The following CDH13 variants were observed in gnomAD, a reference collection of about 807,000 sequenced individuals.
The protein encoded by CDH13 is cadherin-13.
CDH13 carries 24 observed loss-of-function variants against 63.8 expected under a neutral mutation model. The observed-to-expected ratio is 0.38, with a 90% CI of 0.27 to 0.53. CDH13 has a LOEUF of 0.53. Ranked by LOEUF, CDH13 falls within the 20% of genes least tolerant of loss-of-function variation. CDH13 has a pLI of 0.85. For synonymous variants in CDH13, 503 were observed against 355.3 expected (o/e 1.42, Z -4.67); for missense variants, 1,049 against 903.1 (o/e 1.16, Z -2.07).
chr16:83,581,585 A>G lies in CDH13; in HGVS notation c.961-20869A>G, dbSNP rs1443332623. ...TGTAATCCCAGCACTTTGGGAGGCCAAGGCAGTGGGTTGTTTGAGTCCACG... is the reference window on the plus strand; with the variant it reads ...TGTAATCCCAGCACTTTGGGAGGCCGAGGCAGTGGGTTGTTTGAGTCCACG... On this transcript the variant is annotated intron_variant, in intron 7 of 13. Transcript: ENST00000567109. Among the ~76,000 whole-genome samples the G allele has an allele frequency of 3.3e-5, 5 of 152,180 alleles. No homozygotes were observed. In the East Asian group the frequency reaches 9.6e-4, roughly 29 times the overall value.
At chr16:83,738,588 G>C (rs1485798322) in intron 10 of CDH13, among the ~76,000 whole-genome samples, 1 of 152,156 alleles carries the variant, frequency 6.6e-6, no homozygotes, top group East Asian at 1.9e-4. Context: ...CTTCCTTGGG[G>C]GTTTCAATAT....
chr16:82,912,442 G>A (rs982768736), intron 2 of CDH13, among the ~76,000 whole-genome samples: 4 of 152,160 alleles, frequency 2.6e-5, no homozygotes, highest in Admixed American at 6.5e-5. Flanking sequence ...CAAACAGGCC[G>A]GCCCTTCCCC....
chr16:83,169,879 C>T (rs2037848349), intron 4 of CDH13, among the ~76,000 whole-genome samples: 1 of 152,030 alleles, frequency 6.6e-6, no homozygotes, highest in African/African-American at 2.4e-5. Flanking sequence ...CACATGAATA[C>T]ATATATTTTT....
intron 4 of CDH13, among the ~76,000 whole-genome samples, chr16:83,143,638 A>G (rs2036626923): frequency 6.6e-6 from 1 of 152,204 alleles, no homozygotes; most frequent in African/African-American, 2.4e-5. Context: ...CATTAGGACC[A>G]TCAAAACAAT....
chr16:83,379,932 T>G (rs1447578864), intron 6 of CDH13, among the ~76,000 whole-genome samples: 139 of 86,298 alleles, frequency 1.6e-3, no homozygotes, highest in Non-Finnish European at 3.0e-3. Flanking sequence ...TATATATATA[T>G]ATATATAGAG....
chr16:83,746,479 T>A lies in CDH13; in HGVS notation c.1539-1629T>A, dbSNP rs118022757. 9.6e-3 allele frequency among the ~76,000 whole-genome samples: 1,462 copies of A among 152,298 alleles called. 6 individuals are homozygous for A. Among genetic ancestry groups the A allele is most frequent in the Non-Finnish European group, 0.013 (873 of 68,024 alleles). ...TAACTCAGCTCTGCAAAGTCTTTGC[T>A]CTATGAAGTAACATTCCCAAGTTCC... On this transcript the variant is annotated intron_variant, in intron 10 of 13. Transcript: ENST00000567109.
At chr16:83,519,836 A>G (rs61112354) in intron 7 of CDH13, among the ~76,000 whole-genome samples, 3,176 of 152,200 alleles carry the variant, frequency 0.021, 100 homozygotes, top group African/African-American at 0.071. Flanking sequence ...ATGCATGAGG[A>G]CGTTAGCTTT....
At chr16:83,020,433 C>T (rs569246025) in intron 2 of CDH13, among the ~76,000 whole-genome samples, 146 of 152,282 alleles carry the variant, frequency 9.6e-4, no homozygotes, top group African/African-American at 3.4e-3. Context: ...ATCCCCAAAG[C>T]CATGTACCCC....
At chr16:83,698,785 G>T (rs988360919) in intron 10 of CDH13, among the ~76,000 whole-genome samples, 1 of 152,230 alleles carries the variant, frequency 6.6e-6, no homozygotes, top group East Asian at 1.9e-4. Context: ...TCTATAAAGG[G>T]CCAGATGATA....
intron 2 of CDH13, among the ~76,000 whole-genome samples, chr16:82,881,564 A>G (rs757213427): frequency 6.6e-6 from 1 of 152,204 alleles, no homozygotes; most frequent in Non-Finnish European, 1.5e-5. Flanking sequence ...AAGGTAACCC[A>G]TAGAGGACTG....
intron 1 of CDH13, among the ~76,000 whole-genome samples, chr16:82,716,926 G>C (rs1157077302): frequency 6.6e-6 from 1 of 151,928 alleles, no homozygotes; most frequent in Non-Finnish European, 1.5e-5. Flanking sequence ...AAGTCCCGGT[G>C]TAGAGTTTGG....
chr16:83,771,426 G>A lies in CDH13; in HGVS notation c.1682-8542G>A, dbSNP rs190187277. Among the ~76,000 whole-genome samples the A allele has an allele frequency of 2.6e-4, 40 of 152,322 alleles. No homozygotes were observed. The East Asian group carries it at 7.4e-3, about 28-fold the overall frequency. ...TCCTATCGTGGTCATATAATGTGCT[G>A]AGGCTCTTACAAGTTGTCAGTGCTG... On this transcript the variant is annotated intron_variant, in intron 11 of 13. Coordinates refer to ENST00000567109, the MANE Select transcript of CDH13 (RefSeq NM_001257.5).
At chr16:83,791,077 G>A (rs1365822246) in intron 13 of CDH13, among the ~76,000 whole-genome samples, 1 of 152,062 alleles carries the variant, frequency 6.6e-6, no homozygotes, top group Non-Finnish European at 1.5e-5. Flanking sequence ...CAGCACTTTG[G>A]GAGACTGAGG....
intron 3 of CDH13, among the ~76,000 whole-genome samples, chr16:83,041,992 T>C (rs1917369907): frequency 6.6e-6 from 1 of 152,244 alleles, no homozygotes; most frequent in Non-Finnish European, 1.5e-5. Context: ...TCACACGTTC[T>C]AGACAAAAAT....
Position 82,715,609 on chromosome 16 carries a change from A to T in CDH13, c.45+88472A>T, listed in dbSNP as rs149414005. 3.3e-5 allele frequency among the ~76,000 whole-genome samples: 5 copies of T among 152,246 alleles called. No homozygotes were observed. In the East Asian group the frequency reaches 9.6e-4, roughly 29 times the overall value. On this transcript the variant is annotated intron_variant, in intron 1 of 13. Transcript: ENST00000567109. The stretch of plus-strand genomic sequence containing the variant: ...ATAGGGTAGCCAAACAGGAATTTCT[A>T]TATTTGCTAATCCTTCCTCAAATAC...
chr16:83,535,786 A>C (rs906726675), intron 7 of CDH13, among the ~76,000 whole-genome samples: 21 of 141,248 alleles, frequency 1.5e-4, no homozygotes, highest in African/African-American at 1.0e-4. Flanking sequence ...CTTGACACAG[A>C]GGAAGTATTT....
intron 8 of CDH13, among the ~76,000 whole-genome samples, chr16:83,661,004 A>ATCG (rs976168309): frequency 2.7e-5 from 4 of 150,930 alleles, no homozygotes; most frequent in African/African-American, 9.7e-5. Flanking sequence ...TTATTTAATC[A>ATCG]TTCCCCTAAG....
chr16:82,864,975 C>T (rs983585976), intron 2 of CDH13, among the ~76,000 whole-genome samples: 4 of 152,162 alleles, frequency 2.6e-5, no homozygotes, highest in Admixed American at 1.3e-4. Context: ...AACGAAGGGT[C>T]TACAGGCCCC....
At chr16:83,469,196 G>A (rs545168565) in intron 6 of CDH13, among the ~76,000 whole-genome samples, 1 of 152,272 alleles carries the variant, frequency 6.6e-6, no homozygotes, top group Non-Finnish European at 1.5e-5. Context: ...TCAACTCAGT[G>A]TTTTTTCAGC....
Sources: allele counts gnomAD v4.1 joint callset (sites outside exome capture counted in the v4.1 genomes callset), GRCh38; gene constraint gnomAD v4.1.1; transcripts MANE v1.5; gene names NCBI Gene and HGNC (gene_info 2026-07-23, HGNC 2026-07-21).